The following TRIM9 variants were observed in gnomAD, a reference collection of about 807,000 sequenced individuals.
TRIM9 encodes E3 ubiquitin-protein ligase TRIM9.
TRIM9 carries 26 observed loss-of-function variants against 78.3 expected under a neutral mutation model. The ratio of observed to expected loss-of-function variants is 0.33; its 90% CI spans 0.24 to 0.46. The LOEUF (loss-of-function observed/expected upper bound fraction) is 0.46, where lower values mean the gene tolerates loss of function less well. TRIM9 is among the 20% of genes least tolerant of loss of function. The pLI is 1.00. For synonymous variants in TRIM9, 398 were observed against 416.5 expected (o/e 0.96, Z 0.54); for missense variants, 787 against 1,036.4 (o/e 0.76, Z 3.30).
At chr14:51,062,023 T>C (rs1354599047) in intron 1 of TRIM9, among the ~76,000 whole-genome samples, 1 of 152,246 alleles carries the variant, frequency 6.6e-6, no homozygotes, top group Non-Finnish European at 1.5e-5. Context: ...ATTTCTGAAG[T>C]GCGTTAGATT....
At chr14:51,071,817 A>C (rs1300892147) in intron 1 of TRIM9, among the ~76,000 whole-genome samples, 1 of 152,114 alleles carries the variant, frequency 6.6e-6, no homozygotes, top group African/African-American at 2.4e-5. Flanking sequence ...AAAATAAATA[A>C]ATGAATAATT....
chr14:51,092,008 G>A (rs2064388670), intron 1 of TRIM9, among the ~76,000 whole-genome samples: 2 of 152,020 alleles, frequency 1.3e-5, no homozygotes, highest in South Asian at 4.1e-4. Context: ...ATAATGTTGT[G>A]GTTTACCCAT....
chr14:51,013,751 G>C (rs1002116175), intron 3 of TRIM9, among the ~76,000 whole-genome samples: 2 of 152,042 alleles, frequency 1.3e-5, no homozygotes, highest in African/African-American at 4.8e-5. Context: ...TGGGCTCAAT[G>C]AATACAAATT....
At chr14:51,034,130 C>T (rs1306560634) in intron 1 of TRIM9, among the ~76,000 whole-genome samples, 3 of 152,024 alleles carry the variant, frequency 2.0e-5, no homozygotes, top group Non-Finnish European at 4.4e-5. Context: ...CAACAGGCCA[C>T]CTGAATTTTC....
rs143462492 is a variant in TRIM9, at chr14:51,036,320, G to A, written c.823-10960C>T. Among the ~76,000 whole-genome samples the A allele has an allele frequency of 4.1e-3, 631 of 152,150 alleles. 5 individuals are homozygous for A. Among genetic ancestry groups the A allele is most frequent in the African/African-American group, 0.014 (600 of 41,504 alleles). On this transcript the variant is annotated intron_variant, in intron 1 of 12. Coordinates refer to ENST00000684578, the MANE Select transcript of TRIM9 (RefSeq NM_001387360.1). The stretch of plus-strand genomic sequence containing the variant: ...TTTGTTTTTGTTTTTTTTGAGAGCC[G>A]GTTTGTCAGCACACCACTGTATATA...
intron 1 of TRIM9, among the ~76,000 whole-genome samples, chr14:51,056,937 A>G (rs1170236840): frequency 6.6e-6 from 1 of 152,194 alleles, no homozygotes; most frequent in Non-Finnish European, 1.5e-5. Flanking sequence ...TTCAGGCAAT[A>G]TCTTGTACCT....
chr14:50,992,461 T>C (rs1202568018), intron 7 of TRIM9, among the ~76,000 whole-genome samples: 1 of 150,654 alleles, frequency 6.6e-6, no homozygotes, highest in Non-Finnish European at 1.5e-5. Flanking sequence ...TAGAGCCAGT[T>C]ACTAGGGAGG....
intron 1 of TRIM9, 48 bp downstream of exon 1, chr14:51,094,070 G>T (rs1596345346): frequency 6.4e-7 from 1 of 1,555,206 alleles, no homozygotes; most frequent in East Asian, 2.3e-5. Context: ...TGCAAAACCG[G>T]ATGATCGGAG....
chr14:51,071,387 GAAAA>G (rs56726763), intron 1 of TRIM9, among the ~76,000 whole-genome samples: 10 of 115,876 alleles, frequency 8.6e-5, no homozygotes, highest in Admixed American at 1.9e-4. Flanking sequence ...AAAAAAAAAA[GAAAA>G]AAAAAAAAAA....
chr14:50,997,230 G>T, intron 7 of TRIM9: 1 of 985,358 alleles, frequency 1.0e-6, no homozygotes, highest in Non-Finnish European at 1.2e-6. Flanking sequence ...AATGTTAAAA[G>T]CCTCAGAGGT....
At chr14:51,060,847 A>G (rs55925248) in intron 1 of TRIM9, among the ~76,000 whole-genome samples, 29,989 of 152,136 alleles carry the variant, frequency 0.2, 3,131 homozygotes, top group Non-Finnish European at 0.24. Context: ...GCTGAATAGT[A>G]TTCCATTAAC....
chr14:51,026,788 C>T (rs150455244), intron 1 of TRIM9, among the ~76,000 whole-genome samples: 5 of 152,238 alleles, frequency 3.3e-5, no homozygotes, highest in African/African-American at 1.2e-4. Context: ...CGCTCTATCC[C>T]CTATAAGTGT....
intron 1 of TRIM9, among the ~76,000 whole-genome samples, chr14:51,053,855 T>C (rs1433779580): frequency 6.6e-6 from 1 of 152,088 alleles, no homozygotes; most frequent in East Asian, 1.9e-4. Flanking sequence ...TACAAATTAT[T>C]GCCCAAAGTA....
chr14:50,998,230 C>G, intron 6 of TRIM9, 42 bp from the exon 7 acceptor site: 1 of 1,590,492 alleles, frequency 6.3e-7, no homozygotes, highest in Non-Finnish European at 8.6e-7. Flanking sequence ...AGCCTGCCCC[C>G]TTCTGAGGGG....
chr14:51,026,745 G>T (rs2058265221), intron 1 of TRIM9, among the ~76,000 whole-genome samples: 1 of 151,246 alleles, frequency 6.6e-6, no homozygotes, highest in African/African-American at 2.5e-5. Context: ...TGGGATGGTA[G>T]AAAGAATATA....
chr14:51,026,859 A>G (rs529280212), intron 1 of TRIM9, among the ~76,000 whole-genome samples: 1 of 152,322 alleles, frequency 6.6e-6, no homozygotes, highest in East Asian at 1.9e-4. Context: ...AAGAACAGTA[A>G]TACTTTGTAG....
intron 1 of TRIM9, among the ~76,000 whole-genome samples, chr14:51,034,229 C>A (rs1393021548): frequency 1.3e-5 from 2 of 152,138 alleles, no homozygotes; most frequent in Non-Finnish European, 2.9e-5. Context: ...TGAGAAAAAA[C>A]CACATTTGTT....
chr14:51,060,306 C>A (rs1255508929), intron 1 of TRIM9, among the ~76,000 whole-genome samples: 3 of 152,146 alleles, frequency 2.0e-5, no homozygotes, highest in African/African-American at 7.2e-5. Flanking sequence ...ATTTAGCTAA[C>A]CCTTTACTCC....
chr14:50,977,999 T>C (rs2051288360), intron 12 of TRIM9, among the ~76,000 whole-genome samples: 1 of 151,978 alleles, frequency 6.6e-6, no homozygotes, highest in South Asian at 2.1e-4. Flanking sequence ...TAATATTCTT[T>C]GAAAGGGAAA....
Sources: allele counts gnomAD v4.1 joint callset (sites outside exome capture counted in the v4.1 genomes callset), GRCh38; gene constraint gnomAD v4.1.1; transcripts MANE v1.5; gene names NCBI Gene and HGNC (gene_info 2026-07-23, HGNC 2026-07-21).